The following SLC2A9 variants were observed in gnomAD, a reference collection of about 807,000 sequenced individuals.
The protein encoded by SLC2A9 is solute carrier family 2 member 9.
SLC2A9 carries 39 observed loss-of-function variants against 50.6 expected under a neutral mutation model. The observed-to-expected ratio is 0.77, with a 90% CI of 0.60 to 1.01. The LOEUF (loss-of-function observed/expected upper bound fraction) is 1.01. SLC2A9 is among the 50% of genes least tolerant of loss of function. The pLI, the probability that SLC2A9 is intolerant of heterozygous loss-of-function variation, is 0.00. For synonymous variants in SLC2A9, 324 were observed against 276.9 expected, an observed-to-expected ratio of 1.17 and a Z score of -1.69; for missense variants, 686 against 677.6, an observed-to-expected ratio of 1.01 and a Z score of -0.14.
intron 5 of SLC2A9, among the ~76,000 whole-genome samples, chr4:9,967,333 T>A (rs1753199105): frequency 1.3e-5 from 2 of 152,122 alleles, no homozygotes. Flanking sequence ...TAAATATCAT[T>A]GGGCCTCTTA....
At chr4:9,891,065 G>A (rs1314090483) in intron 8 of SLC2A9, among the ~76,000 whole-genome samples, 2 of 152,198 alleles carry the variant, frequency 1.3e-5, no homozygotes, top group Admixed American at 6.5e-5. Flanking sequence ...TGCATGGAAG[G>A]TGACTCCTCT....
chr4:10,025,270 G>T (rs904624942), upstream of SLC2A9, among the ~76,000 whole-genome samples: 2 of 152,212 alleles, frequency 1.3e-5, no homozygotes, highest in African/African-American at 2.4e-5. Context: ...TAGCCACATA[G>T]CCTTGGACAA....
chr4:9,829,294 C>G lies in SLC2A9; in HGVS notation c.1420-2694G>C, dbSNP rs535984727. Among the ~76,000 whole-genome samples, 7 of 152,126 alleles carry G rather than the reference C, an allele frequency of 4.6e-5. No individual in the cohort carries two copies. In the South Asian group the frequency reaches 1.2e-3, roughly 27 times the overall value. On this transcript the variant is annotated intron_variant, in intron 11 of 11. Transcript: ENST00000264784. Reference sequence around the variant, plus strand: ...TGGCAGTCGCCTGTTATCCCAGCTACTTGAGAGACTGAGGTAAAGATTAAA... The same window carrying G: ...TGGCAGTCGCCTGTTATCCCAGCTAGTTGAGAGACTGAGGTAAAGATTAAA...
chr4:9,996,649 C>G, intron 3 of SLC2A9, 132 bp downstream of exon 3: 1 of 1,129,630 alleles, frequency 8.9e-7, no homozygotes, highest in South Asian at 1.3e-5. Context: ...TTCCCCTTTC[C>G]CCTTTGGGCA....
At chr4:9,992,342 C>T (rs1757853812) in intron 3 of SLC2A9, among the ~76,000 whole-genome samples, 1 of 152,236 alleles carries the variant, frequency 6.6e-6, no homozygotes, top group African/African-American at 2.4e-5. Context: ...AACCTTGGCA[C>T]TATTCACATT....
intron 3 of SLC2A9, among the ~76,000 whole-genome samples, chr4:9,811,072 C>G (rs983184014): frequency 2.4e-4 from 37 of 152,338 alleles, no homozygotes; most frequent in Middle Eastern, 3.4e-3. Flanking sequence ...ACCCTGTCCA[C>G]CACTTCTGGG....
intron 3 of SLC2A9, among the ~76,000 whole-genome samples, chr4:9,993,924 G>A (rs1758147787): frequency 6.6e-6 from 1 of 152,132 alleles, no homozygotes; most frequent in African/African-American, 2.4e-5. Flanking sequence ...GCTAGGAACA[G>A]CCCCACTGCT....
At chr4:10,010,690 C>T (rs1319118338) in intron 2 of SLC2A9, among the ~76,000 whole-genome samples, 1 of 152,172 alleles carries the variant, frequency 6.6e-6, no homozygotes, top group African/African-American at 2.4e-5. Context: ...AGCCTCCAAG[C>T]ATTTCCCCCA....
At chr4:9,894,237 T>C (rs895319081) in intron 8 of SLC2A9, among the ~76,000 whole-genome samples, 1 of 152,206 alleles carries the variant, frequency 6.6e-6, no homozygotes, top group Non-Finnish European at 1.5e-5. Context: ...AGATGGTAAA[T>C]ATGTAGAAAT....
At chr4:9,965,277 A>G (rs1003754143) in intron 5 of SLC2A9, among the ~76,000 whole-genome samples, 2 of 152,234 alleles carry the variant, frequency 1.3e-5, no homozygotes. Flanking sequence ...GGTGCCCACT[A>G]CACAGCCCTG....
At chr4:9,788,800 T>C (rs2108876234) in intron 3 of SLC2A9, among the ~76,000 whole-genome samples, 1 of 152,334 alleles carries the variant, frequency 6.6e-6, no homozygotes, top group East Asian at 1.9e-4. Context: ...GTCATTATTC[T>C]TTGAGTAGTT....
In SLC2A9 at chr4:9,892,624, C is replaced by A. The variant is rs575432907; in HGVS notation, c.1114-1913G>T. Among the ~76,000 whole-genome samples, 19 of 152,298 alleles carry A rather than the reference C, an allele frequency of 1.2e-4. 1 individual carries two copies. The South Asian group carries it at 2.3e-3, about 18-fold the overall frequency. Reference sequence around the variant, plus strand: ...CACCTGGAAAATGAGAATGATAATACCATTTTTGCAGGGTAGCTGTGAGAT... The same window carrying A: ...CACCTGGAAAATGAGAATGATAATAACATTTTTGCAGGGTAGCTGTGAGAT... On this transcript the variant is annotated intron_variant, in intron 8 of 11. Coordinates refer to ENST00000264784, the MANE Select transcript of SLC2A9 (RefSeq NM_020041.3).
chr4:9,841,200 C>G (rs1018282577), intron 10 of SLC2A9, among the ~76,000 whole-genome samples: 76 of 152,162 alleles, frequency 5.0e-4, no homozygotes, highest in Admixed American at 3.8e-3. Context: ...TTATGTTATA[C>G]CTTTGAAAAT....
intron 5 of SLC2A9, among the ~76,000 whole-genome samples, chr4:9,956,004 A>G (rs1314160021): frequency 6.6e-6 from 1 of 150,444 alleles, no homozygotes; most frequent in Non-Finnish European, 1.5e-5. Flanking sequence ...CAGCCTCCCG[A>G]GTAGCTGGGA....
intron 11 of SLC2A9, among the ~76,000 whole-genome samples, chr4:9,833,984 C>T (rs1726618769): frequency 6.6e-6 from 1 of 152,168 alleles, no homozygotes; most frequent in Non-Finnish European, 1.5e-5. Context: ...TCCCAGATAA[C>T]CCTCTTATCT....
Position 10,020,502 on chromosome 4 carries a change from G to T in SLC2A9, c.150+778C>A, listed in dbSNP as rs1204074364. Among the ~76,000 whole-genome samples the T allele has an allele frequency of 2.6e-5, 4 of 152,210 alleles. 1 individual carries two copies. The highest frequency in any genetic ancestry group is 3.9e-4 in the East Asian group (2 of 5,194). On this transcript the variant is annotated intron_variant, in intron 1 of 11. Transcript: ENST00000264784. ...TTTATAAGCCTTGGGGATGGGTGCT[G>T]CCAATTGAAATGTAGTACCAGAATA...
At chr4:9,786,497 T>C (rs1248919825) in intron 3 of SLC2A9, among the ~76,000 whole-genome samples, 1 of 152,214 alleles carries the variant, frequency 6.6e-6, no homozygotes, top group Admixed American at 6.5e-5. Flanking sequence ...CCCACAGCTA[T>C]ACAACAGCAG....
chr4:9,849,598 G>A (rs536631208), intron 10 of SLC2A9, among the ~76,000 whole-genome samples: 1 of 152,336 alleles, frequency 6.6e-6, no homozygotes, highest in African/African-American at 2.4e-5. Flanking sequence ...GACTGTCTGG[G>A]GGAGAGGATG....
rs536120945 is a variant in SLC2A9, at chr4:9,880,439, T to A, written c.1291+7128A>T. On this transcript the variant is annotated intron_variant, in intron 10 of 11. Transcript: ENST00000264784. Reference sequence around the variant, plus strand: ...ATAGACACTGATGGGGAGCCCAGCATTTAAAGCCCTGGAAATGCAGCATGT... The same window carrying A: ...ATAGACACTGATGGGGAGCCCAGCAATTAAAGCCCTGGAAATGCAGCATGT... 3.0e-6 allele frequency: 3 copies of A among 985,350 alleles called. No homozygotes were observed. In the East Asian group the frequency reaches 3.4e-4, roughly 112 times the overall value. The allele number at this position is 985,350 out of a possible 1,614,324, so 61.0% of individuals were successfully genotyped here. A position where few individuals can be genotyped will look rare whatever the true frequency, so the allele number is the denominator to read the frequency against.
Sources: gnomAD v4.1 joint callset for allele counts (sites outside exome capture counted in the v4.1 genomes callset) on GRCh38, gnomAD v4.1.1 for gene constraint, MANE v1.5 for transcripts, NCBI Gene and HGNC (gene_info 2026-07-23, HGNC 2026-07-21) for gene names.